Variants in RNGTT observed in about 807,000 individuals in gnomAD.
The protein encoded by RNGTT is RNA guanylyltransferase and 5'-phosphatase.
RNGTT carries 33 observed loss-of-function variants against 79.3 expected under a neutral mutation model. That is an observed-to-expected ratio of 0.42 (90% CI 0.32 to 0.56). The LOEUF (loss-of-function observed/expected upper bound fraction) is 0.56, where lower values mean the gene tolerates loss of function less well. Among genes scored for constraint, RNGTT ranks in the 20% least tolerant of loss-of-function variants. RNGTT has a pLI of 0.17. For missense variants in RNGTT, 497 were observed against 739.1 expected (o/e 0.67, Z 3.80); for synonymous variants, 222 against 235.9 (o/e 0.94, Z 0.54).
chr6:88,738,366 G>A (rs780218477), intron 13 of RNGTT, among the ~76,000 whole-genome samples: 3 of 152,154 alleles, frequency 2.0e-5, no homozygotes, highest in Non-Finnish European at 4.4e-5. Context: ...TTCTAGATGG[G>A]ATCCTGGAAA....
At chr6:88,695,161 C>T (rs976655990) in intron 13 of RNGTT, among the ~76,000 whole-genome samples, 1 of 151,946 alleles carries the variant, frequency 6.6e-6, no homozygotes, top group Admixed American at 6.6e-5. Flanking sequence ...CAAAAATAGA[C>T]AAATGGATTT....
At position 88,714,738 on chromosome 6, in the gene RNGTT, G is replaced by A. The variant is rs369352163; in HGVS notation, c.1440-36319C>T. Among the ~76,000 whole-genome samples the A allele has an allele frequency of 1.8e-4, 16 of 89,740 alleles. 4 individuals are homozygous for A. The African/African-American group carries it at 2.3e-3, about 13-fold the overall frequency. 58.9% of individuals were successfully genotyped at this position (89,740 alleles called of 152,430 possible). Reference sequence around the variant, plus strand: ...ATTACAGGCGTGAGCCACCGCGCCCGGCCTAAAAGTACTTTTTAAAAGTAC... The same window carrying A: ...ATTACAGGCGTGAGCCACCGCGCCCAGCCTAAAAGTACTTTTTAAAAGTAC... On this transcript the variant is annotated intron_variant, in intron 13 of 15. Coordinates refer to ENST00000369485, the MANE Select transcript of RNGTT (RefSeq NM_003800.5).
At chr6:88,922,169 A>C (rs1784183778) in intron 4 of RNGTT, among the ~76,000 whole-genome samples, 1 of 152,066 alleles carries the variant, frequency 6.6e-6, no homozygotes, top group African/African-American at 2.4e-5. Context: ...GCTCCCAAGT[A>C]GCTGGGACTA....
intron 13 of RNGTT, among the ~76,000 whole-genome samples, chr6:88,749,851 C>T (rs377359664): frequency 1.3e-5 from 2 of 152,156 alleles, no homozygotes; most frequent in South Asian, 2.1e-4. Flanking sequence ...AAGATGTAGA[C>T]AGGACCATGT....
chr6:88,880,255 C>T (rs538919949), intron 8 of RNGTT, among the ~76,000 whole-genome samples: 1 of 152,166 alleles, frequency 6.6e-6, no homozygotes, highest in Admixed American at 6.5e-5. Flanking sequence ...AGGAAATTCC[C>T]AGACCAGGAT....
At chr6:88,776,397 G>A (rs993990662) in intron 12 of RNGTT, among the ~76,000 whole-genome samples, 4 of 149,112 alleles carry the variant, frequency 2.7e-5, no homozygotes, top group East Asian at 2.0e-4. Flanking sequence ...TCAGCTCACC[G>A]CAACCTCCGC....
intron 13 of RNGTT, among the ~76,000 whole-genome samples, chr6:88,724,547 T>G (rs1035204976): frequency 6.6e-6 from 1 of 151,720 alleles, no homozygotes; most frequent in African/African-American, 2.4e-5. Flanking sequence ...TGGAAGAAAA[T>G]TTTTCCACAG....
intron 4 of RNGTT, among the ~76,000 whole-genome samples, chr6:88,925,768 G>C (rs1275973880): frequency 6.6e-6 from 1 of 152,082 alleles, no homozygotes; most frequent in East Asian, 1.9e-4. Context: ...AGCAACTCAG[G>C]AGGCCAAGGC....
At chr6:88,835,945 G>A (rs1295739236) in intron 11 of RNGTT, among the ~76,000 whole-genome samples, 1 of 144,402 alleles carries the variant, frequency 6.9e-6, no homozygotes, top group Non-Finnish European at 1.5e-5. Flanking sequence ...ACCAGCCTGG[G>A]CAATACAGCA....
At chr6:88,707,726 A>T (rs1374976078) in intron 13 of RNGTT, among the ~76,000 whole-genome samples, 3 of 80,502 alleles carry the variant, frequency 3.7e-5, no homozygotes, top group African/African-American at 2.2e-4. Flanking sequence ...CCCTAACATT[A>T]AAAAAAAAAA....
chr6:88,865,589 T>C (rs954368691), intron 8 of RNGTT, among the ~76,000 whole-genome samples: 2 of 152,144 alleles, frequency 1.3e-5, no homozygotes, highest in Non-Finnish European at 2.9e-5. Context: ...AGTTCCTTAA[T>C]TCATTTTTCT....
intron 14 of RNGTT, among the ~76,000 whole-genome samples, chr6:88,642,655 T>C (rs1773368097): frequency 6.6e-6 from 1 of 152,144 alleles, no homozygotes; most frequent in Non-Finnish European, 1.5e-5. Context: ...TGAGTTCTAA[T>C]CTCAATTCCA....
chr6:88,953,253 G>C (rs1303676728), intron 1 of RNGTT, among the ~76,000 whole-genome samples: 1 of 152,050 alleles, frequency 6.6e-6, no homozygotes, highest in Non-Finnish European at 1.5e-5. Flanking sequence ...ATTCTCCAGA[G>C]AGAAATAGAG....
chr6:88,672,125 T>C (rs1774666340), intron 14 of RNGTT, among the ~76,000 whole-genome samples: 1 of 151,500 alleles, frequency 6.6e-6, no homozygotes, highest in Non-Finnish European at 1.5e-5. Flanking sequence ...TTAATTAAAC[T>C]AAAAAGTTTC....
At chr6:88,790,629 A>T (rs1181864893) in intron 12 of RNGTT, among the ~76,000 whole-genome samples, 1 of 148,748 alleles carries the variant, frequency 6.7e-6, no homozygotes, top group Non-Finnish European at 1.5e-5. Context: ...CAATTTAAAA[A>T]TAAAAGAAAA....
At chr6:88,647,874 T>C (rs776747913) in intron 14 of RNGTT, among the ~76,000 whole-genome samples, 2 of 151,686 alleles carry the variant, frequency 1.3e-5, no homozygotes, top group Non-Finnish European at 2.9e-5. Flanking sequence ...GGCTTGATTT[T>C]AAACTCTTAA....
chr6:88,914,770 A>T (rs1282694036), intron 4 of RNGTT, among the ~76,000 whole-genome samples: 1 of 152,196 alleles, frequency 6.6e-6, no homozygotes, highest in Non-Finnish European at 1.5e-5. Context: ...AAAAATTGAC[A>T]AGTGGGACAT....
chr6:88,922,340 A>T (rs910174129), intron 4 of RNGTT, among the ~76,000 whole-genome samples: 1 of 152,138 alleles, frequency 6.6e-6, no homozygotes, highest in Non-Finnish European at 1.5e-5. Flanking sequence ...CATTTTAATG[A>T]CCTTAAACTA....
chr6:88,835,975 A>ACACACACAC (rs1781054402), intron 11 of RNGTT, among the ~76,000 whole-genome samples: 1 of 113,764 alleles, frequency 8.8e-6, no homozygotes, highest in Non-Finnish European at 1.7e-5. Flanking sequence ...CTCTATTAAA[A>ACACACACAC]ACACACACAC....
Sources: gnomAD v4.1 joint callset for allele counts (sites outside exome capture counted in the v4.1 genomes callset) on GRCh38, gnomAD v4.1.1 for gene constraint, MANE v1.5 for transcripts, NCBI Gene and HGNC (gene_info 2026-07-23, HGNC 2026-07-21) for gene names.